TOX2: variants seen among roughly 807,000 people sequenced by gnomAD.
TOX2 encodes the protein granulosa cell HMG box 1.
In TOX2, 15 loss-of-function variants were observed where a neutral mutation model predicts 47.4. That is an observed-to-expected ratio of 0.32 (90% CI 0.21 to 0.49). The LOEUF (loss-of-function observed/expected upper bound fraction) is 0.49. Among genes scored for constraint, TOX2 ranks in the 20% least tolerant of loss-of-function variants. The pLI, the probability that TOX2 is intolerant of heterozygous loss-of-function variation, is 0.99. For synonymous variants in TOX2, 290 were observed against 296.6 expected (o/e 0.98, Z 0.23); for missense variants, 622 against 673.1 (o/e 0.92, Z 0.84).
intron 4 of TOX2, among the ~76,000 whole-genome samples, chr20:44,052,863 G>A (rs1228592112): frequency 6.6e-6 from 1 of 152,186 alleles, no homozygotes; most frequent in Admixed American, 6.5e-5. Context: ...GCCTGTTCAG[G>A]ACTTTATCAA....
intron 6 of TOX2, 88 bp from the exon 7 acceptor site, chr20:44,065,624 G>C: frequency 6.9e-7 from 1 of 1,454,208 alleles, no homozygotes; most frequent in Non-Finnish European, 9.3e-7. Context: ...AGCCGTGTCA[G>C]TGGGTTGCAG....
chr20:44,067,940 A>C (rs1555120), intron 8 of TOX2, among the ~76,000 whole-genome samples: 76,668 of 152,002 alleles, frequency 0.5, 19,583 homozygotes, highest in East Asian at 0.61. Flanking sequence ...CTGCTGAGAA[A>C]CGCTGCCCCC....
chr20:43,922,188 G>A (rs1039463722), intron 1 of TOX2, among the ~76,000 whole-genome samples: 1 of 152,164 alleles, frequency 6.6e-6, no homozygotes, highest in Non-Finnish European at 1.5e-5. Flanking sequence ...TGGAAATTCT[G>A]TCTAATCTAG....
chr20:44,029,899 A>G (rs1003088828), intron 3 of TOX2, among the ~76,000 whole-genome samples: 1 of 152,068 alleles, frequency 6.6e-6, no homozygotes, highest in Non-Finnish European at 1.5e-5. Context: ...ACGTTGCCAA[A>G]CCCATTGGGC....
chr20:44,064,809 G>A lies in TOX2; in HGVS notation c.912G>A (p.Lys304=). 6.2e-7 allele frequency: 1 copy of A among 1,614,164 alleles called. No individual in the cohort carries two copies. Among genetic ancestry groups the A allele is most frequent in the South Asian group, 1.1e-5 (1 of 91,082 alleles). The part of the protein sequence containing the change: ...AYKRKTEAAK[K]EYLKALAAYR... Reference sequence around the variant, plus strand: ...AGAGGAAGACAGAAGCAGCAAAGAAGGAATATCTGAAGGCCCTGGCAGCCT... The same window carrying A: ...AGAGGAAGACAGAAGCAGCAAAGAAAGAATATCTGAAGGCCCTGGCAGCCT... The change falls in exon 6 of 9, where the codon AAG becomes AAA. Residue 304 remains lysine (K), a synonymous_variant. Transcript: ENST00000341197.
At chr20:43,936,560 C>G (rs1355793901) in intron 1 of TOX2, among the ~76,000 whole-genome samples, 1 of 152,192 alleles carries the variant, frequency 6.6e-6, no homozygotes, top group Non-Finnish European at 1.5e-5. Flanking sequence ...CAGCCTCCCT[C>G]GTGCAGCTGG....
Position 43,925,129 on chromosome 20 carries a change from T to C in TOX2, c.99+10139T>C, listed in dbSNP as rs895127338. 8.5e-5 allele frequency among the ~76,000 whole-genome samples: 13 copies of C among 152,332 alleles called. No homozygotes were observed. The East Asian group carries it at 1.7e-3, about 20-fold the overall frequency. The stretch of plus-strand genomic sequence containing the variant: ...ATTCGATTTTTAAAAAAGTGGTCTT[T>C]TGTTTCCTGCATTTAACTCTGTTTT... On this transcript the variant is annotated intron_variant, in intron 1 of 8. Transcript: ENST00000341197.
chr20:43,922,810 G>A (rs1488494435), intron 1 of TOX2, among the ~76,000 whole-genome samples: 1 of 152,138 alleles, frequency 6.6e-6, no homozygotes, highest in Non-Finnish European at 1.5e-5. Flanking sequence ...TTACTGCTGG[G>A]TTTCTCAGAT....
At chr20:43,963,886 A>G (rs1253806711) in intron 1 of TOX2, among the ~76,000 whole-genome samples, 2 of 152,094 alleles carry the variant, frequency 1.3e-5, no homozygotes, top group African/African-American at 2.4e-5. Context: ...ACAAAGCCCC[A>G]CTCAGTTTCT....
At position 43,914,957 on chromosome 20, in the gene TOX2, C is replaced by A; in HGVS notation, c.66C>A (p.Gly22=). 2 of 1,255,318 alleles carry A rather than the reference C, an allele frequency of 1.6e-6. No individual in the cohort carries two copies. The highest frequency in any genetic ancestry group is 2.5e-5 in the South Asian group (1 of 39,616). 77.8% of individuals were successfully genotyped at this position (1,255,318 alleles called of 1,614,324 possible). A position where few individuals can be genotyped will look rare whatever the true frequency, so the allele number is the denominator to read the frequency against. The change falls in exon 1 of 9, where the codon GGC becomes GGA. Residue 22 remains glycine, a synonymous_variant. Transcript: ENST00000341197. This position sits in a 1 kb window ranked among gnomAD's most constrained non-coding sequence, Gnocchi z 4.5. The part of the protein sequence containing the change: ...VGARPGAEPA[G]LAHLDYYHGG... The stretch of plus-strand genomic sequence containing the variant: ...CGCGGCCCGGGGCCGAGCCGGCCGG[C>A]CTGGCGCACCTGGACTATTACCACG...
chr20:43,971,607 C>G (rs7345518), intron 1 of TOX2, among the ~76,000 whole-genome samples: 3,753 of 152,310 alleles, frequency 0.025, 145 homozygotes, highest in African/African-American at 0.085. Context: ...ATGAATCCTA[C>G]AGATAAACTC....
intron 1 of TOX2, among the ~76,000 whole-genome samples, chr20:43,968,065 C>T (rs1455241445): frequency 2.6e-5 from 4 of 152,052 alleles, no homozygotes; most frequent in Non-Finnish European, 5.9e-5. Flanking sequence ...TGTGTACAAT[C>T]CCTCACCCAT....
At chr20:43,949,349 G>GC (rs1427630367) in intron 1 of TOX2, among the ~76,000 whole-genome samples, 1 of 152,168 alleles carries the variant, frequency 6.6e-6, no homozygotes. Context: ...AGGCCTCCCT[G>GC]CCTCCACCCT....
At chr20:43,942,179 A>C (rs1245040507) in intron 1 of TOX2, among the ~76,000 whole-genome samples, 1 of 152,238 alleles carries the variant, frequency 6.6e-6, no homozygotes, top group East Asian at 1.9e-4. Flanking sequence ...TATGGACCAG[A>C]CCAGGCACTT....
rs1474037707 is a variant in TOX2, at chr20:43,916,709, C to A, written c.99+1719C>A. On this transcript the variant is annotated intron_variant, in intron 1 of 8. Coordinates refer to ENST00000341197, the MANE Select transcript of TOX2 (RefSeq NM_001098797.2). This position sits in a 1 kb window ranked among gnomAD's most constrained non-coding sequence, Gnocchi z 5.0. ...GTTATTTTTCAAAATGTGAAGTTGG[C>A]GAGGTAGGTACCAGCCTCTGGTTTG... Among the ~76,000 whole-genome samples the A allele has an allele frequency of 6.6e-6, 1 of 152,078 alleles. No individual in the cohort carries two copies. Among genetic ancestry groups the A allele is most frequent in the Admixed American group, 6.5e-5 (1 of 15,284 alleles).
At chr20:44,034,342 G>C (rs1397956368) in intron 3 of TOX2, among the ~76,000 whole-genome samples, 1 of 152,112 alleles carries the variant, frequency 6.6e-6, no homozygotes, top group Non-Finnish European at 1.5e-5. Context: ...TTGCTGCACT[G>C]TTTAAAATTG....
intron 2 of TOX2, among the ~76,000 whole-genome samples, chr20:43,993,836 G>T (rs2070414294): frequency 6.6e-6 from 1 of 152,200 alleles, no homozygotes; most frequent in Non-Finnish European, 1.5e-5. Flanking sequence ...TATCAAAGAG[G>T]CAGTTGGATA....
chr20:44,045,856 A>G (rs549379699), intron 3 of TOX2, among the ~76,000 whole-genome samples: 7 of 152,362 alleles, frequency 4.6e-5, no homozygotes, highest in African/African-American at 1.4e-4. Context: ...GCCACTGGGA[A>G]GAAAAAGAAA....
At chr20:43,949,770 G>C (rs1257023750) in intron 1 of TOX2, among the ~76,000 whole-genome samples, 2 of 152,134 alleles carry the variant, frequency 1.3e-5, no homozygotes, top group Non-Finnish European at 2.9e-5. Context: ...GCAACTATCA[G>C]AGCCAGGGTC....
Sources: gnomAD v4.1 joint callset for allele counts (sites outside exome capture counted in the v4.1 genomes callset) on GRCh38, gnomAD v4.1.1 for gene constraint, Gnocchi (gnomAD v3.1) non-coding constraint, MANE v1.5 for transcripts, NCBI Gene and HGNC (gene_info 2026-07-23, HGNC 2026-07-21) for gene names.